ECT2L: variants seen among roughly 807,000 people sequenced by gnomAD.
ECT2L encodes the protein epithelial cell transforming 2 like.
A neutral mutation model predicts 122.8 loss-of-function variants in ECT2L; 126 were observed. The ratio of observed to expected loss-of-function variants is 1.03; its 90% CI spans 0.89 to 1.19. The LOEUF (loss-of-function observed/expected upper bound fraction) is 1.19, where lower values mean the gene tolerates loss of function less well. Among genes scored for constraint, ECT2L ranks in the 50% most tolerant of loss-of-function variants. The probability of loss-of-function intolerance (pLI) is 0.00; values close to 1 mark genes in which losing one functional copy is unlikely to be tolerated. For synonymous variants in ECT2L, 385 were observed against 381.8 expected, an observed-to-expected ratio of 1.01 and a Z score of -0.10; for missense variants, 1,012 against 1,064.1, an observed-to-expected ratio of 0.95 and a Z score of 0.68.
At chr6:138,855,464 GCAC>G (rs1358063693) in intron 10 of ECT2L, among the ~76,000 whole-genome samples, 1 of 152,046 alleles carries the variant, frequency 6.6e-6, no homozygotes, top group East Asian at 1.9e-4. Context: ...AGCCAAGATC[GCAC>G]CACTACACTC....
intron 4 of ECT2L, among the ~76,000 whole-genome samples, chr6:138,834,748 T>C (rs1448176798): frequency 6.6e-6 from 1 of 152,182 alleles, no homozygotes; most frequent in Non-Finnish European, 1.5e-5. Context: ...GTCACAGTCT[T>C]GTTCAGCTTG....
chr6:138,885,062 T>TCTGTTGCC (rs1778769327), intron 16 of ECT2L, among the ~76,000 whole-genome samples: 1 of 131,972 alleles, frequency 7.6e-6, no homozygotes, highest in Non-Finnish European at 1.5e-5. Context: ...GGAGTCTCGC[T>TCTGTTGCC]CTGTTGCCCA....
intron 4 of ECT2L, among the ~76,000 whole-genome samples, chr6:138,816,761 A>G (rs1313342640): frequency 1.3e-5 from 2 of 152,252 alleles, no homozygotes; most frequent in Non-Finnish European, 2.9e-5. Context: ...CTGGGATTAC[A>G]GGCATGAGCC....
At chr6:138,894,625 T>C (rs1055836460) in intron 20 of ECT2L, among the ~76,000 whole-genome samples, 2 of 152,272 alleles carry the variant, frequency 1.3e-5, no homozygotes, top group African/African-American at 4.8e-5. Context: ...CCTAGGGCAA[T>C]TGTTCCTGGG....
At chr6:138,839,722 A>G (rs1200548819) in intron 5 of ECT2L, among the ~76,000 whole-genome samples, 1 of 151,864 alleles carries the variant, frequency 6.6e-6, no homozygotes, top group East Asian at 1.9e-4. Flanking sequence ...TCATTTTACT[A>G]TTTATTTTTT....
intron 10 of ECT2L, among the ~76,000 whole-genome samples, chr6:138,859,273 A>G (rs886338858): frequency 1.3e-5 from 2 of 152,218 alleles, no homozygotes; most frequent in African/African-American, 4.8e-5. Context: ...ATTACATTCT[A>G]CACGTATACC....
At chr6:138,889,673 T>C (rs1778951603) in intron 20 of ECT2L, among the ~76,000 whole-genome samples, 1 of 152,202 alleles carries the variant, frequency 6.6e-6, no homozygotes, top group Non-Finnish European at 1.5e-5. Context: ...ACCAATGATC[T>C]GCTCAAATGT....
chr6:138,886,291 G>T (rs553100185), intron 18 of ECT2L, among the ~76,000 whole-genome samples: 2 of 152,134 alleles, frequency 1.3e-5, no homozygotes, highest in African/African-American at 2.4e-5. Flanking sequence ...TGTGCATACT[G>T]TAAACAGGCA....
chr6:138,856,741 T>A (rs1220903229), intron 10 of ECT2L, among the ~76,000 whole-genome samples: 1 of 152,220 alleles, frequency 6.6e-6, no homozygotes, highest in Non-Finnish European at 1.5e-5. Context: ...TAAAGCAGCT[T>A]TAAAGACTGT....
At chr6:138,900,336 T>TC (rs1487990727) in intron 20 of ECT2L, among the ~76,000 whole-genome samples, 2 of 152,050 alleles carry the variant, frequency 1.3e-5, no homozygotes, top group Non-Finnish European at 2.9e-5. Flanking sequence ...AATCTCTGAC[T>TC]CCCAGGTTCA....
chr6:138,833,575 A>G (rs577365216), intron 4 of ECT2L, among the ~76,000 whole-genome samples: 110 of 152,088 alleles, frequency 7.2e-4, no homozygotes, highest in Non-Finnish European at 1.3e-3. Context: ...AACATGCACC[A>G]GAGGATCACC....
At position 138,844,598 on chromosome 6, in the gene ECT2L, T is replaced by C; in HGVS notation, c.764+18T>C. On this transcript the variant is annotated intron_variant, in intron 7 of 21. Transcript: ENST00000541398. ...CCCAAGCGGTAAGCAAAATTCCATC[T>C]ACTGAAGGCTCAACACCATCCCAAT... is the stretch of plus-strand genomic sequence containing the variant. 6.2e-7 allele frequency: 1 copy of C among 1,612,252 alleles called. No individual in the cohort carries two copies. The highest frequency in any genetic ancestry group is 8.5e-7 in the Non-Finnish European group (1 of 1,178,712).
At chr6:138,822,002 C>G (rs570768831) in intron 4 of ECT2L, among the ~76,000 whole-genome samples, 9 of 152,352 alleles carry the variant, frequency 5.9e-5, no homozygotes, top group Admixed American at 4.6e-4. Flanking sequence ...GACTTCTGAC[C>G]TCCAGAACCG....
intron 14 of ECT2L, among the ~76,000 whole-genome samples, chr6:138,880,001 GA>G (rs1245357361): frequency 6.6e-6 from 1 of 152,034 alleles, no homozygotes; most frequent in Non-Finnish European, 1.5e-5. Context: ...ACAACAGTTG[GA>G]AACATAACAT....
intron 2 of ECT2L, 91 bp downstream of exon 2, chr6:138,813,068 A>C: frequency 1.2e-5 from 5 of 433,982 alleles, no homozygotes. Context: ...AATTTTATAT[A>C]TACACACGTA....
At chr6:138,850,649 T>C (rs975319917) in intron 9 of ECT2L, among the ~76,000 whole-genome samples, 3 of 152,206 alleles carry the variant, frequency 2.0e-5, no homozygotes, top group South Asian at 4.1e-4. Flanking sequence ...CTTTCAATTT[T>C]GGATATATAC....
In ECT2L at chr6:138,822,903, G is replaced by C; in HGVS notation, c.179+8300G>C. ...CCCTGTATTCCTCACAATAGCTTTC[G>C]TCATTGGACTTGCAGGCAATTCCAT... On this transcript the variant is annotated intron_variant, in intron 4 of 21. Coordinates refer to ENST00000541398, the MANE Select transcript of ECT2L (RefSeq NM_001077706.3). 9.3e-6 allele frequency: 15 copies of C among 1,613,868 alleles called. No homozygotes were observed. The South Asian group carries it at 1.6e-4, about 18-fold the overall frequency.
intron 9 of ECT2L, among the ~76,000 whole-genome samples, chr6:138,850,019 G>GA (rs368266928): frequency 0.016 from 2,392 of 151,804 alleles, 51 homozygotes; most frequent in African/African-American, 0.055. Context: ...TGTGCCCACT[G>GA]AAAAAAAACT....
At chr6:138,869,856 C>T (rs758913280) in intron 13 of ECT2L, among the ~76,000 whole-genome samples, 8 of 152,176 alleles carry the variant, frequency 5.3e-5, no homozygotes, top group Non-Finnish European at 8.8e-5. Flanking sequence ...TGTCCCGTTT[C>T]CTCATTTGGC....
Sources: gnomAD v4.1 joint callset for allele counts (sites outside exome capture counted in the v4.1 genomes callset) on GRCh38, gnomAD v4.1.1 for gene constraint, MANE v1.5 for transcripts, NCBI Gene and HGNC (gene_info 2026-07-23, HGNC 2026-07-21) for gene names.